GNAO1: variants seen among roughly 807,000 people sequenced by gnomAD.
GNAO1 encodes the protein G protein subunit alpha o1.
For synonymous variants in GNAO1, 164 were observed against 180.7 expected, an observed-to-expected ratio of 0.91 and a Z score of 0.74; for missense variants, 166 against 478.7, an observed-to-expected ratio of 0.35 and a Z score of 6.10.
intron 2 of GNAO1, among the ~76,000 whole-genome samples, chr16:56,210,368 G>A (rs1056904546): frequency 1.3e-5 from 2 of 152,210 alleles, no homozygotes; most frequent in East Asian, 1.9e-4. Context: ...TAAACCTGCT[G>A]TAAACATTCA....
At chr16:56,247,139 C>A (rs1294093896) in intron 2 of GNAO1, among the ~76,000 whole-genome samples, 1 of 152,206 alleles carries the variant, frequency 6.6e-6, no homozygotes, top group African/African-American at 2.4e-5. Flanking sequence ...TTGCTGTCAC[C>A]AGCTACCCAG....
intron 2 of GNAO1, among the ~76,000 whole-genome samples, chr16:56,239,416 G>C (rs1362226805): frequency 6.6e-6 from 1 of 152,172 alleles, no homozygotes; most frequent in Non-Finnish European, 1.5e-5. Context: ...TTGGGTCACT[G>C]TCTGCCTCCT....
At chr16:56,349,877 G>A (rs1186206241) in intron 6 of GNAO1, among the ~76,000 whole-genome samples, 2 of 152,180 alleles carry the variant, frequency 1.3e-5, no homozygotes, top group Admixed American at 6.5e-5. Flanking sequence ...GCCGTAAGAC[G>A]CACGGAGCCC....
At chr16:56,220,765 T>G (rs1341340551) in intron 2 of GNAO1, among the ~76,000 whole-genome samples, 1 of 151,070 alleles carries the variant, frequency 6.6e-6, no homozygotes, top group Non-Finnish European at 1.5e-5. Flanking sequence ...TGTTGTTGTT[T>G]GAGACAGAGT....
intron 3 of GNAO1, among the ~76,000 whole-genome samples, chr16:56,303,372 G>A (rs906799392): frequency 5.9e-5 from 9 of 152,160 alleles, no homozygotes; most frequent in Non-Finnish European, 8.8e-5. Flanking sequence ...GGAGGCTGGC[G>A]GGCAGCCTTC....
chr16:56,261,417 G>A (rs1375179218), intron 2 of GNAO1, among the ~76,000 whole-genome samples: 1 of 152,204 alleles, frequency 6.6e-6, no homozygotes, highest in East Asian at 1.9e-4. Flanking sequence ...TTCTGTCCAT[G>A]CCCCTTTGTC....
chr16:56,306,491 T>C (rs969873541), intron 3 of GNAO1, among the ~76,000 whole-genome samples: 1 of 152,202 alleles, frequency 6.6e-6, no homozygotes, highest in Non-Finnish European at 1.5e-5. Context: ...GGTGGACTTA[T>C]GACCAGCTGT....
intron 3 of GNAO1, among the ~76,000 whole-genome samples, chr16:56,294,509 C>T (rs1044497504): frequency 3.3e-5 from 5 of 152,066 alleles, no homozygotes; most frequent in Admixed American, 2.0e-4. Flanking sequence ...TTTGTTTGTC[C>T]GTCATCTGGT....
At chr16:56,300,456 T>C (rs1484881317) in intron 3 of GNAO1, among the ~76,000 whole-genome samples, 1 of 152,220 alleles carries the variant, frequency 6.6e-6, no homozygotes, top group Non-Finnish European at 1.5e-5. Flanking sequence ...GTCACCGTGC[T>C]CCAGGCACTG....
chr16:56,351,277 G>A lies in GNAO1; in HGVS notation c.724-107G>A, dbSNP rs563882732. On this transcript the variant is annotated intron_variant, in intron 6 of 8. Transcript: ENST00000262493. The surrounding 1 kb of genome is among the most constrained non-coding windows in gnomAD (Gnocchi z 6.1). ...CTGGCAGCCTCTCGGAGGAGCTGCCGAGTAGCCCAGTCCCTCTCTGTCAAG... is the reference window on the plus strand; with the variant it reads ...CTGGCAGCCTCTCGGAGGAGCTGCCAAGTAGCCCAGTCCCTCTCTGTCAAG... The A allele has an allele frequency of 1.5e-5, 11 of 729,276 alleles. No homozygotes were observed. The highest frequency in any genetic ancestry group is 5.2e-5 in the African/African-American group (3 of 57,162). The allele number at this position is 729,276 out of a possible 1,614,324, so 45.2% of individuals were successfully genotyped here. A position where few individuals can be genotyped will look rare whatever the true frequency, so the allele number is the denominator to read the frequency against.
At chr16:56,324,396 C>T (rs1468857374) in intron 3 of GNAO1, among the ~76,000 whole-genome samples, 1 of 152,202 alleles carries the variant, frequency 6.6e-6, no homozygotes, top group East Asian at 1.9e-4. Context: ...TCAGGTGCTC[C>T]ACAGATCTAC....
intron 3 of GNAO1, among the ~76,000 whole-genome samples, chr16:56,285,438 G>C (rs2095347423): frequency 6.6e-6 from 1 of 152,158 alleles, no homozygotes; most frequent in African/African-American, 2.4e-5. Flanking sequence ...CTACACAGGG[G>C]GAACTGACCG....
At chr16:56,344,257 C>T (rs569247222) in intron 6 of GNAO1, 1 of 1,316,828 alleles carries the variant, frequency 7.6e-7, no homozygotes, top group East Asian at 3.1e-5. Flanking sequence ...CCCAGATGGG[C>T]ACACCCTGCA....
intron 2 of GNAO1, among the ~76,000 whole-genome samples, chr16:56,197,175 G>C (rs1300733849): frequency 6.6e-6 from 1 of 152,222 alleles, no homozygotes; most frequent in Non-Finnish European, 1.5e-5. Flanking sequence ...CTCCATGAAA[G>C]TGCGTCCGTC....
At chr16:56,230,232 G>A (rs2036576387) in intron 2 of GNAO1, among the ~76,000 whole-genome samples, 1 of 152,186 alleles carries the variant, frequency 6.6e-6, no homozygotes, top group Non-Finnish European at 1.5e-5. Flanking sequence ...GGTGTGCAGT[G>A]ACCACAGTGG....
intron 3 of GNAO1, among the ~76,000 whole-genome samples, chr16:56,325,783 A>T (rs1365814198): frequency 2.0e-5 from 3 of 152,178 alleles, no homozygotes; most frequent in African/African-American, 7.2e-5. Context: ...GACAGGTCAC[A>T]TGAAGGGTAA....
intron 3 of GNAO1, among the ~76,000 whole-genome samples, chr16:56,317,500 G>T (rs1224508305): frequency 1.3e-5 from 2 of 152,200 alleles, no homozygotes; most frequent in Non-Finnish European, 2.9e-5. Flanking sequence ...AGGAGAGAAT[G>T]AATGGGTGGG....
intron 3 of GNAO1, among the ~76,000 whole-genome samples, chr16:56,288,447 G>A (rs1004711398): frequency 1.3e-5 from 2 of 152,222 alleles, no homozygotes; most frequent in Non-Finnish European, 1.5e-5. Context: ...TATGGGGCAC[G>A]CCAGGAAGTA....
chr16:56,235,628 G>A (rs1213415108), intron 2 of GNAO1, among the ~76,000 whole-genome samples: 8 of 152,184 alleles, frequency 5.3e-5, no homozygotes, highest in Admixed American at 6.5e-5. Flanking sequence ...GTGGAAATGC[G>A]GAGTGTGTCC....
Sources: allele counts gnomAD v4.1 joint callset (sites outside exome capture counted in the v4.1 genomes callset), GRCh38; gene constraint gnomAD v4.1.1; non-coding constraint Gnocchi (gnomAD v3.1); transcripts MANE v1.5; gene names NCBI Gene and HGNC (gene_info 2026-07-23, HGNC 2026-07-21).